Variants in CHN2 observed in about 807,000 individuals in gnomAD.
The protein encoded by CHN2 is chimerin 2.
A neutral mutation model predicts 56.3 loss-of-function variants in CHN2; 35 were observed. That is an observed-to-expected ratio of 0.62 (90% CI 0.47 to 0.82). The LOEUF (loss-of-function observed/expected upper bound fraction) is 0.82. Among genes scored for constraint, CHN2 ranks in the 40% least tolerant of loss-of-function variants. CHN2 has a pLI of 0.00. For missense variants in CHN2, 491 were observed against 580.5 expected (o/e 0.85, Z 1.58); for synonymous variants, 210 against 212.8 (o/e 0.99, Z 0.12).
At chr7:29,293,317 T>C (rs1024155763) in intron 1 of CHN2, among the ~76,000 whole-genome samples, 2 of 150,390 alleles carry the variant, frequency 1.3e-5, no homozygotes, top group African/African-American at 4.9e-5. Context: ...CTGTCGGGCT[T>C]TGACCCATCA....
At position 29,146,900 on chromosome 7, in the gene CHN2, T is replaced by C. The variant is rs972957861; in HGVS notation, c.214T>C (p.Ser72Pro). The change falls in exon 2 of 7, where the codon TCC becomes CCC. Residue 72 changes from serine (S) to proline (P), a missense_variant. Ser to Pro is a moderately conservative substitution (Grantham distance 74). Coordinates refer to the CHN2 transcript ENST00000439384. ...ATTTGGAAAGCGAGTGGTGTTTGAT[T>C]CCCACTGTTTAAAAAGGCAACACAC... 3 of 1,551,106 alleles carry C rather than the reference T, an allele frequency of 1.9e-6. No homozygotes were observed. The African/African-American group carries it at 4.1e-5, about 21-fold the overall frequency.
At chr7:29,304,995 C>A (rs1038326234) in intron 1 of CHN2, among the ~76,000 whole-genome samples, 2 of 152,130 alleles carry the variant, frequency 1.3e-5, no homozygotes, top group Non-Finnish European at 1.5e-5. Flanking sequence ...CAGATGTGAG[C>A]CAGGCCCCAA....
intron 1 of CHN2, among the ~76,000 whole-genome samples, chr7:29,262,779 G>T (rs1285881571): frequency 6.6e-6 from 1 of 152,082 alleles, no homozygotes; most frequent in Non-Finnish European, 1.5e-5. Flanking sequence ...TGGTGAAGAT[G>T]GGGGTGCAGG....
intron 1 of CHN2, among the ~76,000 whole-genome samples, chr7:29,234,567 C>T (rs1281394903): frequency 6.6e-6 from 1 of 152,102 alleles, no homozygotes; most frequent in Non-Finnish European, 1.5e-5. Context: ...CTGGACAGAG[C>T]GATCTTATGC....
chr7:29,502,024 A>G (rs1243461664), intron 9 of CHN2, among the ~76,000 whole-genome samples: 1 of 152,154 alleles, frequency 6.6e-6, no homozygotes, highest in Non-Finnish European at 1.5e-5. Flanking sequence ...AAGTGACTTG[A>G]TACATAAATG....
intron 6 of CHN2, among the ~76,000 whole-genome samples, chr7:29,403,670 GA>G (rs1015805042): frequency 0.038 from 5,373 of 141,490 alleles, 234 homozygotes; most frequent in African/African-American, 0.11. Flanking sequence ...GAGGAAGGCA[GA>G]AAAAAAAAAA....
chr7:29,479,761 G>A (rs946025162), intron 6 of CHN2: 5 of 1,170,774 alleles, frequency 4.3e-6, no homozygotes, highest in Non-Finnish European at 4.3e-6. Context: ...CCTCTCCTTT[G>A]CAATGTGCTG....
chr7:29,337,621 G>T (rs1447501446), intron 1 of CHN2, among the ~76,000 whole-genome samples: 2 of 152,188 alleles, frequency 1.3e-5, no homozygotes, highest in Non-Finnish European at 2.9e-5. Flanking sequence ...GGCTGCCACG[G>T]GGTGACAGGA....
chr7:29,352,349 TC>T (rs1465123072), intron 1 of CHN2, among the ~76,000 whole-genome samples: 2 of 79,780 alleles, frequency 2.5e-5, no homozygotes, highest in African/African-American at 4.1e-5. Context: ...GTGCAGTCTG[TC>T]GTGTGTGTGT....
At chr7:29,225,541 T>C (rs1786123497) in intron 1 of CHN2, among the ~76,000 whole-genome samples, 1 of 152,216 alleles carries the variant, frequency 6.6e-6, no homozygotes, top group Admixed American at 6.5e-5. Context: ...GTTTAGAGCA[T>C]TATCTCCAAA....
At position 29,354,726 on chromosome 7, in the gene CHN2, C is replaced by T; in HGVS notation, c.88+63C>T. ...AGCAGGCCAGCCTTTCTGAACAATT[C>T]TTGCCAGCGATGTAGTGCACACAAG... On this transcript the variant is annotated intron_variant, in intron 2 of 12. Transcript: ENST00000222792. 1.0e-5 allele frequency: 15 copies of T among 1,483,528 alleles called. No individual in the cohort carries two copies. In the South Asian group the frequency reaches 1.7e-4, roughly 17 times the overall value. The allele number at this position is 1,483,528 out of a possible 1,614,324, so 91.9% of individuals were successfully genotyped here.
intron 6 of CHN2, among the ~76,000 whole-genome samples, chr7:29,408,384 C>T (rs1229913934): frequency 1.3e-5 from 2 of 151,998 alleles, no homozygotes; most frequent in African/African-American, 4.8e-5. Context: ...GGTGATCAGA[C>T]ATTTTGGAGC....
At chr7:29,204,290 A>G (rs775914127) in intron 1 of CHN2, among the ~76,000 whole-genome samples, 6 of 152,178 alleles carry the variant, frequency 3.9e-5, no homozygotes, top group Non-Finnish European at 7.3e-5. Context: ...TATATCGTAT[A>G]TAAGTTAATA....
intron 3 of CHN2, among the ~76,000 whole-genome samples, chr7:29,385,585 G>T (rs1380140152): frequency 1.3e-5 from 2 of 152,122 alleles, no homozygotes; most frequent in African/African-American, 4.8e-5. Flanking sequence ...ATCTGGGAAG[G>T]TCCCGCTGAG....
chr7:29,381,153 G>C (rs1477352511), intron 3 of CHN2, among the ~76,000 whole-genome samples: 1 of 152,090 alleles, frequency 6.6e-6, no homozygotes, highest in Non-Finnish European at 1.5e-5. Flanking sequence ...TCCCTGTTTG[G>C]TCGATCAGAA....
intron 2 of CHN2, among the ~76,000 whole-genome samples, chr7:29,365,527 C>A (rs56897138): frequency 1.3e-4 from 20 of 152,100 alleles, no homozygotes; most frequent in African/African-American, 4.3e-4. Context: ...AGAAAGACTC[C>A]TTCATGAAGT....
intron 6 of CHN2, among the ~76,000 whole-genome samples, chr7:29,445,911 A>G (rs1783997635): frequency 6.6e-6 from 1 of 152,084 alleles, no homozygotes; most frequent in African/African-American, 2.4e-5. Context: ...CAAGCTTGCA[A>G]GGGCCCCCGA....
intron 6 of CHN2, among the ~76,000 whole-genome samples, chr7:29,472,464 C>T (rs146375239): frequency 3.7e-4 from 57 of 152,240 alleles, no homozygotes; most frequent in African/African-American, 1.3e-3. Flanking sequence ...CATTTTGCTG[C>T]GTGTTCCTGG....
At chr7:29,378,242 A>C (rs933088381) in intron 3 of CHN2, among the ~76,000 whole-genome samples, 1 of 152,214 alleles carries the variant, frequency 6.6e-6, no homozygotes, top group Non-Finnish European at 1.5e-5. Flanking sequence ...TTAAGTTGGC[A>C]TCAGTATGCC....
Sources: gnomAD v4.1 joint callset for allele counts (sites outside exome capture counted in the v4.1 genomes callset) on GRCh38, gnomAD v4.1.1 for gene constraint, MANE v1.5 for transcripts, NCBI Gene and HGNC (gene_info 2026-07-23, HGNC 2026-07-21) for gene names.